The following PSD3 variants were observed in gnomAD, a reference collection of about 807,000 sequenced individuals.
The protein encoded by PSD3 is pleckstrin and Sec7 domain containing 3.
Under a neutral mutation model 105.5 loss-of-function variants are expected in PSD3, and 49 were observed. That is an observed-to-expected ratio of 0.46 (90% CI 0.37 to 0.59). The LOEUF (loss-of-function observed/expected upper bound fraction) is 0.59, where lower values mean the gene tolerates loss of function less well. Ranked by LOEUF, PSD3 falls within the 20% of genes least tolerant of loss-of-function variation. The pLI, the probability that PSD3 is intolerant of heterozygous loss-of-function variation, is 0.00. For missense variants in PSD3, 1,561 were observed against 1,263.8 expected (o/e 1.24, Z -3.57); for synonymous variants, 557 against 457.8 (o/e 1.22, Z -2.77).
At chr8:18,722,526 T>TA (rs1433846550) in intron 9 of PSD3, among the ~76,000 whole-genome samples, 24 of 152,144 alleles carry the variant, frequency 1.6e-4, no homozygotes, top group Non-Finnish European at 3.2e-4. Context: ...ACTTAATCTT[T>TA]AAAAAATGGA....
intron 1 of PSD3, among the ~76,000 whole-genome samples, chr8:18,939,718 C>T (rs4921619): frequency 0.35 from 53,583 of 151,968 alleles, 10,544 homozygotes; most frequent in East Asian, 0.56. Flanking sequence ...TTAAAATGCA[C>T]TATTCTGACA....
At position 18,530,744 on chromosome 8, in the gene PSD3, G is replaced by A. The variant is rs8695; in HGVS notation, c.*4999C>T. Reference sequence around the variant, plus strand: ...CCAAATTACAGGGAGCTATGCCCTTGGTATTGCACACAGTACACTGCAAAA... The same window carrying A: ...CCAAATTACAGGGAGCTATGCCCTTAGTATTGCACACAGTACACTGCAAAA... On this transcript the variant is annotated 3_prime_UTR_variant, in exon 16 of 16. Coordinates refer to ENST00000327040, the MANE Select transcript of PSD3 (RefSeq NM_015310.4). The A allele has an allele frequency of 0.085, 12,531 of 147,124 alleles. 600 individuals are homozygous for A. The highest frequency in any genetic ancestry group is 0.14 in the South Asian group (650 of 4,654). 9.1% of individuals were successfully genotyped at this position (147,124 alleles called of 1,614,324 possible).
chr8:19,021,762 G>A (rs1053942856), intron 1 of PSD3, among the ~76,000 whole-genome samples: 2 of 152,146 alleles, frequency 1.3e-5, no homozygotes, highest in Non-Finnish European at 2.9e-5. Context: ...CTTACTTGTA[G>A]GTCCTCTAAG....
At chr8:18,594,221 T>TAC (rs770599196) in intron 12 of PSD3, among the ~76,000 whole-genome samples, 292 of 2,982 alleles carry the variant, frequency 0.098, 101 homozygotes, top group South Asian at 0.35. Context: ...TATTATTATA[T>TAC]ATATTATATA....
At chr8:19,050,929 A>G (rs968580662) in intron 1 of PSD3, among the ~76,000 whole-genome samples, 2 of 152,166 alleles carry the variant, frequency 1.3e-5, no homozygotes, top group African/African-American at 4.8e-5. Flanking sequence ...CCCAACTGTC[A>G]TGGTGTCCTG....
chr8:18,552,970 T>C (rs1025217321), intron 15 of PSD3, among the ~76,000 whole-genome samples: 23 of 152,176 alleles, frequency 1.5e-4, no homozygotes, highest in Non-Finnish European at 3.4e-4. Context: ...ACCCTGTATT[T>C]ACCAGAATTT....
intron 11 of PSD3, among the ~76,000 whole-genome samples, chr8:18,612,644 A>G (rs1460295707): frequency 6.6e-6 from 1 of 152,190 alleles, no homozygotes; most frequent in Non-Finnish European, 1.5e-5. Context: ...TGCTGGGATT[A>G]CAGGCATGAG....
At chr8:18,865,203 AACTGGAATACAGATTC>A (rs1486324018) in intron 4 of PSD3, 43 of 119,104 alleles carry the variant, frequency 3.6e-4, no homozygotes, top group Non-Finnish European at 5.9e-4. Flanking sequence ...TATCCCACCA[AACTGGAATACAGATTC>A]TATGTTATAT....
chr8:18,955,204 A>T (rs2129470382), intron 1 of PSD3, among the ~76,000 whole-genome samples: 1 of 152,260 alleles, frequency 6.6e-6, no homozygotes, highest in East Asian at 1.9e-4. Context: ...ATCTATCTGA[A>T]GGGGCAGCAC....
chr8:18,797,014 C>T (rs1203274454), intron 8 of PSD3, among the ~76,000 whole-genome samples: 1 of 152,090 alleles, frequency 6.6e-6, no homozygotes, highest in East Asian at 1.9e-4. Flanking sequence ...ATCAGGCAAT[C>T]ATGATGCAAG....
intron 9 of PSD3, among the ~76,000 whole-genome samples, chr8:18,714,052 T>A (rs1448267141): frequency 1.3e-5 from 2 of 152,154 alleles, no homozygotes; most frequent in African/African-American, 2.4e-5. Context: ...ATTTAATAAA[T>A]AGTGTTGTGA....
At chr8:18,704,643 A>G (rs1801785128) in intron 9 of PSD3, among the ~76,000 whole-genome samples, 2 of 152,122 alleles carry the variant, frequency 1.3e-5, no homozygotes, top group African/African-American at 2.4e-5. Flanking sequence ...TCTGGCCCCA[A>G]TAAGAGAACC....
intron 10 of PSD3, among the ~76,000 whole-genome samples, chr8:18,635,339 T>C (rs1315831861): frequency 6.6e-6 from 1 of 152,144 alleles, no homozygotes; most frequent in Non-Finnish European, 1.5e-5. Context: ...TGCTCATTGC[T>C]TTGGGGTCCT....
At chr8:18,986,409 C>T (rs776650379) in intron 1 of PSD3, among the ~76,000 whole-genome samples, 15 of 152,018 alleles carry the variant, frequency 9.9e-5, no homozygotes, top group Admixed American at 6.6e-4. Context: ...TCCCAGAACA[C>T]GCTTGCAAGG....
intron 9 of PSD3, chr8:18,733,603 C>T (rs1803930214): frequency 6.5e-6 from 1 of 152,794 alleles, no homozygotes. Flanking sequence ...TGAGCCTGGA[C>T]AAGAATTTCA....
At chr8:18,851,689 G>A (rs555207209) in intron 4 of PSD3, among the ~76,000 whole-genome samples, 153 of 152,346 alleles carry the variant, frequency 1.0e-3, no homozygotes, top group African/African-American at 3.6e-3. Context: ...CGGAATTGCA[G>A]GGAGGGACCG....
At chr8:18,755,344 C>G (rs1400280100) in intron 9 of PSD3, among the ~76,000 whole-genome samples, 1 of 151,944 alleles carries the variant, frequency 6.6e-6, no homozygotes, top group South Asian at 2.1e-4. Flanking sequence ...GCAGGAGAAT[C>G]GCCTGAACCT....
intron 2 of PSD3, among the ~76,000 whole-genome samples, chr8:18,923,512 TATA>T (rs1483870100): frequency 1.3e-5 from 2 of 152,176 alleles, no homozygotes; most frequent in Non-Finnish European, 2.9e-5. Context: ...TCCATAAGAT[TATA>T]ATGCCATATT....
intron 2 of PSD3, among the ~76,000 whole-genome samples, chr8:18,906,563 G>A (rs1245137117): frequency 6.6e-6 from 1 of 152,136 alleles, no homozygotes; most frequent in Non-Finnish European, 1.5e-5. Flanking sequence ...TATATGAGGG[G>A]CACAAACACA....
Sources: gnomAD v4.1 joint callset for allele counts (sites outside exome capture counted in the v4.1 genomes callset) on GRCh38, gnomAD v4.1.1 for gene constraint, MANE v1.5 for transcripts, NCBI Gene and HGNC (gene_info 2026-07-23, HGNC 2026-07-21) for gene names.